ZNF528: variants seen among roughly 807,000 people sequenced by gnomAD.
The protein encoded by ZNF528 is zinc finger protein 528.
In ZNF528, 9 loss-of-function variants were observed where a neutral mutation model predicts 13.3. The ratio of observed to expected loss-of-function variants is 0.67; its 90% CI spans 0.41 to 1.18. ZNF528 has a LOEUF of 1.18. Ranked by LOEUF, ZNF528 falls within the 50% of genes most tolerant of loss-of-function variation. The probability of loss-of-function intolerance (pLI) is 0.01; values close to 1 mark genes in which losing one functional copy is unlikely to be tolerated. For missense variants in ZNF528, 858 were observed against 745.4 expected (o/e 1.15, Z -1.76); for synonymous variants, 264 against 254.3 (o/e 1.04, Z -0.36).
rs112037109 is a variant in ZNF528, at chr19:52,414,878, G to A, written c.272-246G>A. The A allele has an allele frequency of 7.8e-5, 107 of 1,372,316 alleles. No homozygotes were observed. In the African/African-American group the frequency reaches 1.2e-3, roughly 16 times the overall value. 85.0% of individuals were successfully genotyped at this position (1,372,316 alleles called of 1,614,324 possible). A position where few individuals can be genotyped will look rare whatever the true frequency, so the allele number is the denominator to read the frequency against. ...TTCTTCCCAGAAGTTTTCAGTCTCT[G>A]TTGTATTTCTCTGCTCATAGTCTGT... is the stretch of plus-strand genomic sequence containing the variant. On this transcript the variant is annotated intron_variant, in intron 6 of 6. Coordinates refer to ENST00000360465, the MANE Select transcript of ZNF528 (RefSeq NM_032423.3).
Position 52,406,659 on chromosome 19 carries a change from G to T in ZNF528, c.271+16G>T. The stretch of plus-strand genomic sequence containing the variant: ...GTGAACACAGGTGAGAGCTCGGGTG[G>T]GCAGAGTGGAGGCCCCATAATTTTT... On this transcript the variant is annotated intron_variant, in intron 6 of 6. Transcript: ENST00000360465. The T allele has an allele frequency of 6.2e-7, 1 of 1,601,074 alleles. No homozygotes were observed. The highest frequency in any genetic ancestry group is 8.5e-7 in the Non-Finnish European group (1 of 1,175,720).
Position 52,416,294 on chromosome 19 carries a change from C to T in ZNF528, c.1442C>T (p.Thr481Ile). The T allele has an allele frequency of 6.2e-7, 1 of 1,613,986 alleles. No homozygotes were observed. Among genetic ancestry groups the T allele is most frequent in the Non-Finnish European group, 8.5e-7 (1 of 1,179,994 alleles). Residue 481 changes from threonine to isoleucine, a missense_variant, in exon 7 of 7, where the codon ACC becomes ATC. Coordinates refer to ENST00000360465, the MANE Select transcript of ZNF528 (RefSeq NM_032423.3). ...GKVFRYKSSL[T>I]SHHRIHTGEK... ...GTCTTCAGGTACAAGTCTTCTCTAA[C>T]CAGTCATCATAGAATTCATACTGGA...
chr19:52,404,843 C>T lies in ZNF528; in HGVS notation c.16-1064C>T, dbSNP rs1384086384. ...CGAACTCCTTACCTCAGGTGATCCA[C>T]CTGCCTTGGCCTCCCAAATTGCTAG... On this transcript the variant is annotated intron_variant, in intron 4 of 6. Coordinates refer to ENST00000360465, the MANE Select transcript of ZNF528 (RefSeq NM_032423.3). Among the ~76,000 whole-genome samples, 7 of 151,736 alleles carry T rather than the reference C, an allele frequency of 4.6e-5. No homozygotes were observed. The South Asian group carries it at 6.2e-4, about 14-fold the overall frequency.
intron 6 of ZNF528, among the ~76,000 whole-genome samples, chr19:52,407,724 C>T (rs970011474): frequency 6.6e-6 from 1 of 152,004 alleles, no homozygotes; most frequent in Non-Finnish European, 1.5e-5. Context: ...TGCAGTGAGC[C>T]GAGATTGCAC....
rs1229713859 is a variant in ZNF528 at position 52,416,514 on chromosome 19, T to G, written c.1662T>G (p.Cys554Trp). ...TGERPYRCSK[C>W]GKAFRGCSGL... ...AGAGGCCTTACAGATGTAGTAAATG[T>G]GGCAAAGCATTTCGAGGGTGTTCAG... The change falls in exon 7 of 7, where the codon TGT becomes TGG. Residue 554 changes from cysteine to tryptophan, a missense_variant. Coordinates refer to ENST00000360465, the MANE Select transcript of ZNF528 (RefSeq NM_032423.3). The G allele has an allele frequency of 1.9e-6, 3 of 1,614,098 alleles. No homozygotes were observed. The highest frequency in any genetic ancestry group is 2.5e-6 in the Non-Finnish European group (3 of 1,180,042).
In ZNF528 at chr19:52,398,467, G is replaced by A. The variant is rs1208209513; in HGVS notation, c.-289G>A. On this transcript the variant is annotated 5_prime_UTR_variant, in exon 2 of 7. Transcript: ENST00000360465. ...CTCTCGAGCCAGTTTCCAGCCCACA[G>A]AAAATGAGCTCTTCCGGAAGTGGGC... The A allele has an allele frequency of 3.2e-6, 2 of 617,450 alleles. No individual in the cohort carries two copies. The highest frequency in any genetic ancestry group is 2.0e-6 in the Non-Finnish European group (1 of 493,602). The allele number at this position is 617,450 out of a possible 1,614,324, so 38.2% of individuals were successfully genotyped here.
chr19:52,414,802 C>A, intron 6 of ZNF528: 2 of 546,170 alleles, frequency 3.7e-6, no homozygotes, highest in Non-Finnish European at 6.3e-6. Context: ...TTATTAATGT[C>A]TATACAGCTC....
intron 6 of ZNF528, chr19:52,408,523 A>C (rs2058888393): frequency 2.0e-5 from 3 of 152,160 alleles, no homozygotes; most frequent in Non-Finnish European, 4.4e-5. Flanking sequence ...TGAAAAGTGC[A>C]ATAATACTTG....
At chr19:52,409,616 TTTG>T (rs1329422194) in intron 6 of ZNF528, among the ~76,000 whole-genome samples, 6 of 152,140 alleles carry the variant, frequency 3.9e-5, no homozygotes, top group Non-Finnish European at 8.8e-5. Context: ...TTTGGGTTTT[TTTG>T]TTTGTTTGTT....
rs1274749634 is a variant in ZNF528 at position 52,415,382 on chromosome 19, A to G, written c.530A>G (p.Gln177Arg). Residue 177 changes from glutamine (Q) to arginine (R), a missense_variant, in exon 7 of 7, where the codon CAG (glutamine) becomes CGG (arginine). Coordinates refer to ENST00000360465, the MANE Select transcript of ZNF528 (RefSeq NM_032423.3). ...FDHAPLLPQEQKAHIREKAYK... is the reference protein window; with the variant it reads ...FDHAPLLPQERKAHIREKAYK... ...CATGCTCCATTACTTCCACAAGAAC[A>G]GAAAGCACACATTAGGGAAAAAGCT... 2 of 1,614,102 alleles carry G rather than the reference A, an allele frequency of 1.2e-6. No individual in the cohort carries two copies. The highest frequency in any genetic ancestry group is 1.3e-5 in the African/African-American group (1 of 75,070).
chr19:52,400,389 T>A (rs2058778547), intron 2 of ZNF528, among the ~76,000 whole-genome samples: 1 of 152,140 alleles, frequency 6.6e-6, no homozygotes, highest in Non-Finnish European at 1.5e-5. Flanking sequence ...AAATCTTGTT[T>A]AGGCGCTCTC....
intron 2 of ZNF528, among the ~76,000 whole-genome samples, chr19:52,399,329 AG>A (rs2058764542): frequency 6.6e-6 from 1 of 152,178 alleles, no homozygotes; most frequent in African/African-American, 2.4e-5. Context: ...AGAACACATG[AG>A]GCTAGGAGCT....
At chr19:52,405,825 T>G in intron 4 of ZNF528, 82 bp from the exon 5 acceptor site, 1 of 1,565,376 alleles carries the variant, frequency 6.4e-7, no homozygotes, top group Non-Finnish European at 8.7e-7. Context: ...GTGGAGTCAG[T>G]CCTTAACGAC....
intron 6 of ZNF528, 88 bp downstream of exon 6, chr19:52,406,731 T>C: frequency 6.7e-7 from 1 of 1,489,224 alleles, no homozygotes; most frequent in African/African-American, 1.4e-5. Context: ...TAGAGTGCGG[T>C]GGCAATCATA....
intron 6 of ZNF528, chr19:52,414,060 G>A (rs145222105): frequency 3.3e-6 from 2 of 606,696 alleles, no homozygotes; most frequent in African/African-American, 1.8e-5. Flanking sequence ...TCTGCCCCAC[G>A]TTACCCTGAT....
chr19:52,417,064 T>A lies in ZNF528; in HGVS notation c.*325T>A, dbSNP rs972680906. On this transcript the variant is annotated 3_prime_UTR_variant, in exon 7 of 7. Transcript: ENST00000360465. ...TAATGCTAAGTCAAAATATGTTGAA[T>A]CTCATGACCTGATGTATATCAAAGG... The A allele has an allele frequency of 3.5e-6, 1 of 286,362 alleles. No individual in the cohort carries two copies. Among genetic ancestry groups the A allele is most frequent in the Non-Finnish European group, 6.6e-6 (1 of 151,288 alleles). 17.7% of individuals were successfully genotyped at this position (286,362 alleles called of 1,614,324 possible). A position where few individuals can be genotyped will look rare whatever the true frequency, so the allele number is the denominator to read the frequency against.
chr19:52,414,345 C>T (rs1200408955), intron 6 of ZNF528: 16 of 701,708 alleles, frequency 2.3e-5, no homozygotes, highest in East Asian at 5.4e-5. Flanking sequence ...ACGAAGGGGG[C>T]GAACATTGGA....
In ZNF528 at chr19:52,402,000, A is replaced by G; in HGVS notation, c.-14A>G. The G allele has an allele frequency of 6.2e-7, 1 of 1,614,184 alleles. No individual in the cohort carries two copies. The highest frequency in any genetic ancestry group is 8.5e-7 in the Non-Finnish European group (1 of 1,180,020). On this transcript the variant is annotated 5_prime_UTR_variant, in exon 4 of 7. Coordinates refer to ENST00000360465, the MANE Select transcript of ZNF528 (RefSeq NM_032423.3). Reference sequence around the variant, plus strand: ...AAGGAAGCAACTTGGAAGAGGAAAGAAAAGAAGTCAGGAATGGCCCTTACT... The same window carrying G: ...AAGGAAGCAACTTGGAAGAGGAAAGGAAAGAAGTCAGGAATGGCCCTTACT...
chr19:52,401,525 G>A (rs1477918040), intron 2 of ZNF528, among the ~76,000 whole-genome samples, 160 bp from the exon 3 acceptor site: 1 of 152,082 alleles, frequency 6.6e-6, no homozygotes, highest in African/African-American at 2.4e-5. Context: ...CTCATCTCCT[G>A]CCTCTGTTCT....
Sources: gnomAD v4.1 joint callset for allele counts (sites outside exome capture counted in the v4.1 genomes callset) on GRCh38, gnomAD v4.1.1 for gene constraint, MANE v1.5 for transcripts, NCBI Gene and HGNC (gene_info 2026-07-23, HGNC 2026-07-21) for gene names.